PPP2R2B: variants seen among roughly 807,000 people sequenced by gnomAD.
PPP2R2B encodes the protein protein phosphatase 2 regulatory subunit Bbeta.
A neutral mutation model predicts 46.0 loss-of-function variants in PPP2R2B; 5 were observed. That is an observed-to-expected ratio of 0.11 (90% confidence interval 0.06 to 0.23). The LOEUF (loss-of-function observed/expected upper bound fraction) is 0.23, where lower values mean the gene tolerates loss of function less well. Among genes scored for constraint, PPP2R2B ranks in the 10% least tolerant of loss-of-function variants. The pLI is 1.00. For missense variants in PPP2R2B, 367 were observed against 575.0 expected (o/e 0.64, Z 3.70); for synonymous variants, 215 against 206.7 (o/e 1.04, Z -0.34).
chr5:146,708,373 C>T (rs1780006455), intron 2 of PPP2R2B, among the ~76,000 whole-genome samples: 1 of 143,574 alleles, frequency 7.0e-6, no homozygotes, highest in Non-Finnish European at 1.5e-5. Context: ...AAAAAAAACA[C>T]TGTATATCTG....
At chr5:146,714,281 G>C (rs1780366707) in intron 2 of PPP2R2B, among the ~76,000 whole-genome samples, 1 of 152,126 alleles carries the variant, frequency 6.6e-6, no homozygotes, top group Non-Finnish European at 1.5e-5. Context: ...TTAACTTTGA[G>C]TAATGTATAG....
At chr5:146,704,642 A>G (rs1026660398) in intron 2 of PPP2R2B, among the ~76,000 whole-genome samples, 1 of 152,168 alleles carries the variant, frequency 6.6e-6, no homozygotes, top group African/African-American at 2.4e-5. Context: ...CCTTGCTCCA[A>G]ATCTATTTGT....
chr5:146,701,018 G>C (rs758217958), intron 3 of PPP2R2B, 27 bp downstream of exon 3: 6 of 1,554,290 alleles, frequency 3.9e-6, no homozygotes, highest in Non-Finnish European at 4.4e-6. Flanking sequence ...TGAAGAAAAT[G>C]GGCATTTTGC....
At chr5:146,793,142 T>C (rs1375883907) in intron 2 of PPP2R2B, among the ~76,000 whole-genome samples, 2 of 152,168 alleles carry the variant, frequency 1.3e-5, no homozygotes, top group African/African-American at 4.8e-5. Context: ...TTCTGATGCA[T>C]TGCATGTGGA....
At chr5:146,786,639 T>C (rs1431268593) in intron 2 of PPP2R2B, among the ~76,000 whole-genome samples, 2 of 152,222 alleles carry the variant, frequency 1.3e-5, no homozygotes, top group Non-Finnish European at 2.9e-5. Context: ...TAAACCCTTT[T>C]AGTCCTTTGC....
intron 2 of PPP2R2B, chr5:146,706,481 C>A: frequency 8.5e-7 from 1 of 1,182,994 alleles, no homozygotes; most frequent in Non-Finnish European, 1.2e-6. Context: ...TGTCCAGGGT[C>A]AGCTTGATGT....
At chr5:146,895,475 T>A (rs532681306) in intron 1 of PPP2R2B, among the ~76,000 whole-genome samples, 147 of 152,206 alleles carry the variant, frequency 9.7e-4, no homozygotes, top group Non-Finnish European at 1.8e-3. Context: ...AGTGCCTAAG[T>A]ACTGACACAC....
In PPP2R2B at chr5:146,854,371, A is replaced by G. The variant is rs141050687; in HGVS notation, c.70+23631T>C. On this transcript the variant is annotated intron_variant, in intron 2 of 9. Transcript: ENST00000394411. The stretch of plus-strand genomic sequence containing the variant: ...GCATAGAATGTATAATGATCAAGTT[A>G]TGGTATTCGGGTTATTTATCACCTT... Among the ~76,000 whole-genome samples the G allele has an allele frequency of 1.7e-4, 26 of 152,264 alleles. 2 individuals are homozygous for G. In the East Asian group the frequency reaches 5.0e-3, roughly 29 times the overall value.
intron 5 of PPP2R2B, among the ~76,000 whole-genome samples, chr5:146,677,384 T>A (rs1445317375): frequency 6.6e-6 from 1 of 152,210 alleles, no homozygotes; most frequent in Non-Finnish European, 1.5e-5. Context: ...TGGGATTGAC[T>A]GTAATGTTAG....
chr5:146,924,521 G>T (rs1763716146), intron 1 of PPP2R2B, among the ~76,000 whole-genome samples: 1 of 152,120 alleles, frequency 6.6e-6, no homozygotes, highest in Non-Finnish European at 1.5e-5. Context: ...AGTCACCAAA[G>T]GGGGTTATCC....
At chr5:146,617,798 G>C (rs953012950) in intron 7 of PPP2R2B, among the ~76,000 whole-genome samples, 1 of 151,816 alleles carries the variant, frequency 6.6e-6, no homozygotes, top group Non-Finnish European at 1.5e-5. Context: ...GGGTTCAAGC[G>C]ATTCTTGTGC....
chr5:146,895,741 A>G (rs1260473687), intron 1 of PPP2R2B, among the ~76,000 whole-genome samples: 1 of 152,208 alleles, frequency 6.6e-6, no homozygotes, highest in Non-Finnish European at 1.5e-5. Context: ...TAATATGTTT[A>G]TGGCTTCTCT....
intron 2 of PPP2R2B, among the ~76,000 whole-genome samples, chr5:146,782,480 A>G (rs1319552515): frequency 1.3e-5 from 2 of 152,186 alleles, no homozygotes; most frequent in African/African-American, 4.8e-5. Context: ...TATAAAGCCC[A>G]AAGAGATGGC....
chr5:146,771,322 A>G (rs1190042806), intron 2 of PPP2R2B, among the ~76,000 whole-genome samples: 2 of 152,220 alleles, frequency 1.3e-5, no homozygotes, highest in African/African-American at 4.8e-5. Flanking sequence ...CTGGAGACAG[A>G]TGATAAAGTC....
At chr5:147,024,215 C>G (rs531667571) in intron 1 of PPP2R2B, among the ~76,000 whole-genome samples, 1 of 148,146 alleles carries the variant, frequency 6.8e-6, no homozygotes, top group Non-Finnish European at 1.5e-5. Context: ...CCTACTGGTT[C>G]TGTTTCTCTG....
rs565916988 is a variant in PPP2R2B, at chr5:146,628,435, T to G, written c.790+9816A>C. Among the ~76,000 whole-genome samples the G allele has an allele frequency of 6.6e-5, 10 of 152,296 alleles. No individual in the cohort carries two copies. The East Asian group carries it at 1.9e-3, about 29-fold the overall frequency. On this transcript the variant is annotated intron_variant, in intron 7 of 9. Coordinates refer to ENST00000394411, the MANE Select transcript of PPP2R2B (RefSeq NM_181675.4). The stretch of plus-strand genomic sequence containing the variant: ...GCTAGAAGAGAGTGTCTACAGGCAG[T>G]GGACTTGCTGGTAGAGCCAGTGCAA...
chr5:147,048,435 T>C (rs74819327), intron 1 of PPP2R2B, among the ~76,000 whole-genome samples: 3,818 of 152,288 alleles, frequency 0.025, 73 homozygotes, highest in Non-Finnish European at 0.036. Flanking sequence ...TTTTGAGAGA[T>C]AGTAACTGTG....
chr5:146,664,600 T>C (rs1776862032), intron 5 of PPP2R2B, among the ~76,000 whole-genome samples: 3 of 151,372 alleles, frequency 2.0e-5, no homozygotes, highest in Admixed American at 6.6e-5. Context: ...TCTACGAGAG[T>C]TGGAATCAAG....
intron 1 of PPP2R2B, among the ~76,000 whole-genome samples, chr5:146,964,877 TG>T (rs1194661693): frequency 1.3e-5 from 2 of 152,158 alleles, no homozygotes; most frequent in Non-Finnish European, 2.9e-5. Context: ...TTTGGGAATC[TG>T]GGCCTGGTCC....
Sources: allele counts gnomAD v4.1 joint callset (sites outside exome capture counted in the v4.1 genomes callset), GRCh38; gene constraint gnomAD v4.1.1; transcripts MANE v1.5; gene names NCBI Gene and HGNC (gene_info 2026-07-23, HGNC 2026-07-21).